SPOCK1: variants seen among roughly 807,000 people sequenced by gnomAD.
The protein encoded by SPOCK1 is testican-1.
In SPOCK1, 23 loss-of-function variants were observed where a neutral mutation model predicts 55.3. The observed-to-expected ratio is 0.42, with a 90% CI of 0.30 to 0.59. The LOEUF is 0.59. SPOCK1 is among the 20% of genes least tolerant of loss of function. The pLI is 0.22. For synonymous variants in SPOCK1, 226 were observed against 221.0 expected (o/e 1.02, Z -0.20); for missense variants, 499 against 552.5 (o/e 0.90, Z 0.97).
intron 2 of SPOCK1, among the ~76,000 whole-genome samples, chr5:137,488,599 A>G (rs932311790): frequency 1.5e-4 from 23 of 152,166 alleles, no homozygotes; most frequent in Admixed American, 1.5e-3. Context: ...GCCTCTCAGA[A>G]TTGAGTTAGA....
At chr5:137,114,246 T>C (rs1303556932) in intron 4 of SPOCK1, among the ~76,000 whole-genome samples, 1 of 152,210 alleles carries the variant, frequency 6.6e-6, no homozygotes, top group East Asian at 1.9e-4. Flanking sequence ...CTTGTCTTAC[T>C]AGCGGGGAAA....
chr5:137,366,687 G>A (rs1426149344), intron 2 of SPOCK1, among the ~76,000 whole-genome samples: 3 of 152,184 alleles, frequency 2.0e-5, no homozygotes, highest in South Asian at 2.1e-4. Flanking sequence ...TAGCTGCTTC[G>A]AATGGGAAGG....
At chr5:137,043,222 A>G (rs1752035020) in intron 6 of SPOCK1, among the ~76,000 whole-genome samples, 10 of 152,214 alleles carry the variant, frequency 6.6e-5, no homozygotes, top group Admixed American at 6.5e-4. Flanking sequence ...AAATCTTAGT[A>G]TTGGATTAAT....
chr5:137,219,414 TGCTAGAATGGG>T (rs1755803288), intron 3 of SPOCK1, among the ~76,000 whole-genome samples: 1 of 152,210 alleles, frequency 6.6e-6, no homozygotes, highest in African/African-American at 2.4e-5. Context: ...ACATCTCCGC[TGCTAGAATGGG>T]CCTAATGAGC....
intron 2 of SPOCK1, among the ~76,000 whole-genome samples, chr5:137,381,371 G>A (rs868087779): frequency 1.3e-5 from 2 of 152,144 alleles, no homozygotes; most frequent in African/African-American, 4.8e-5. Context: ...AGCTCCACTA[G>A]GCAGCGCCCC....
intron 2 of SPOCK1, among the ~76,000 whole-genome samples, chr5:137,294,938 G>A (rs1172919150): frequency 6.6e-6 from 1 of 152,152 alleles, no homozygotes; most frequent in Non-Finnish European, 1.5e-5. Flanking sequence ...ATTAAAAGAA[G>A]ACCAAACTCC....
At chr5:137,114,250 G>T (rs79869645) in intron 4 of SPOCK1, among the ~76,000 whole-genome samples, 2 of 152,248 alleles carry the variant, frequency 1.3e-5, no homozygotes, top group South Asian at 4.1e-4. Flanking sequence ...TCTTACTAGC[G>T]GGGAAAACTG....
chr5:137,182,977 T>C (rs1561464245), intron 3 of SPOCK1, among the ~76,000 whole-genome samples: 1 of 152,168 alleles, frequency 6.6e-6, no homozygotes, highest in East Asian at 1.9e-4. Flanking sequence ...GTGTGTTCAT[T>C]AGGTACAAGG....
At chr5:137,086,639 T>A (rs144918782) in intron 5 of SPOCK1, among the ~76,000 whole-genome samples, 1 of 152,292 alleles carries the variant, frequency 6.6e-6, no homozygotes, top group East Asian at 1.9e-4. Context: ...CATTCCTGCA[T>A]CCACTGAGTA....
intron 3 of SPOCK1, among the ~76,000 whole-genome samples, chr5:137,184,334 G>A (rs946444379): frequency 6.6e-6 from 1 of 152,128 alleles, no homozygotes; most frequent in African/African-American, 2.4e-5. Flanking sequence ...TCCTCTCATG[G>A]ACAGATCCTA....
chr5:137,367,594 C>G (rs1323885708), intron 2 of SPOCK1, among the ~76,000 whole-genome samples: 1 of 152,208 alleles, frequency 6.6e-6, no homozygotes, highest in African/African-American at 2.4e-5. Flanking sequence ...TGCCAACACA[C>G]ATGATCTATA....
rs566360498 is a variant in SPOCK1, at chr5:137,054,343, T to C, written c.589+13372A>G. Among the ~76,000 whole-genome samples, 4 of 152,272 alleles carry C rather than the reference T, an allele frequency of 2.6e-5. No homozygotes were observed. The South Asian group carries it at 8.3e-4, about 32-fold the overall frequency. ...CAATGCATTTTCTAGTGTATAAGAC[T>C]CCCTCTCAACAAGTCTTATCATATA... On this transcript the variant is annotated intron_variant, in intron 6 of 10. Coordinates refer to ENST00000394945, the MANE Select transcript of SPOCK1 (RefSeq NM_004598.4).
At chr5:137,237,823 T>C (rs561251062) in intron 3 of SPOCK1, among the ~76,000 whole-genome samples, 1 of 152,180 alleles carries the variant, frequency 6.6e-6, no homozygotes, top group Non-Finnish European at 1.5e-5. Context: ...CTGCAGCAGA[T>C]ATGGTTGGAG....
At chr5:137,356,680 A>G (rs1750807911) in intron 2 of SPOCK1, among the ~76,000 whole-genome samples, 1 of 150,250 alleles carries the variant, frequency 6.7e-6, no homozygotes, top group South Asian at 2.1e-4. Context: ...AATCCCAGCT[A>G]CTTAGGAGGC....
chr5:137,304,756 A>C (rs1010583063), intron 2 of SPOCK1, among the ~76,000 whole-genome samples: 17 of 152,098 alleles, frequency 1.1e-4, no homozygotes, highest in African/African-American at 4.1e-4. Context: ...TACAGAGAGG[A>C]GAGTGGATGC....
chr5:136,980,676 T>C (rs1330158232), intron 9 of SPOCK1, among the ~76,000 whole-genome samples: 1 of 152,202 alleles, frequency 6.6e-6, no homozygotes, highest in African/African-American at 2.4e-5. Context: ...TTAAACCTCT[T>C]TTTCTTTACC....
Position 137,245,979 on chromosome 5 carries a change from C to T in SPOCK1, c.232+21031G>A, listed in dbSNP as rs992177121. Among the ~76,000 whole-genome samples, 5 of 152,304 alleles carry T rather than the reference C, an allele frequency of 3.3e-5. No individual in the cohort carries two copies. In the East Asian group the frequency reaches 9.6e-4, roughly 29 times the overall value. On this transcript the variant is annotated intron_variant, in intron 3 of 10. Coordinates refer to ENST00000394945, the MANE Select transcript of SPOCK1 (RefSeq NM_004598.4). ...TGACCAACATGCATGCCTATAATAA[C>T]TATAACACCTATTAACAGGACAAGG... is the stretch of plus-strand genomic sequence containing the variant.
chr5:137,238,304 G>T (rs1434408892), intron 3 of SPOCK1, among the ~76,000 whole-genome samples: 1 of 152,142 alleles, frequency 6.6e-6, no homozygotes, highest in Admixed American at 6.5e-5. Flanking sequence ...TTTCAGTACT[G>T]GCTGAAATTT....
intron 6 of SPOCK1, among the ~76,000 whole-genome samples, chr5:137,064,129 C>G (rs1752450500): frequency 6.6e-6 from 1 of 152,042 alleles, no homozygotes; most frequent in Non-Finnish European, 1.5e-5. Flanking sequence ...ACTGGCCTAA[C>G]TGAAGATGTT....
Sources: gnomAD v4.1 joint callset for allele counts (sites outside exome capture counted in the v4.1 genomes callset) on GRCh38, gnomAD v4.1.1 for gene constraint, MANE v1.5 for transcripts, NCBI Gene and HGNC (gene_info 2026-07-23, HGNC 2026-07-21) for gene names.